ADAP2: variants seen among roughly 807,000 people sequenced by gnomAD.
The protein encoded by ADAP2 is arf-GAP with dual PH domain-containing protein 2.
A neutral mutation model predicts 54.9 loss-of-function variants in ADAP2; 42 were observed. That is an observed-to-expected ratio of 0.77 (90% CI 0.60 to 0.99). The LOEUF (loss-of-function observed/expected upper bound fraction) is 0.99, where lower values mean the gene tolerates loss of function less well. ADAP2 is among the 50% of genes least tolerant of loss of function. The probability of loss-of-function intolerance (pLI) is 0.00; values close to 1 mark genes in which losing one functional copy is unlikely to be tolerated. For synonymous variants in ADAP2, 177 were observed against 180.1 expected, an observed-to-expected ratio of 0.98 and a Z score of 0.14; for missense variants, 429 against 480.4, an observed-to-expected ratio of 0.89 and a Z score of 1.00.
At chr17:30,941,221 G>T (rs1310416107) in intron 5 of ADAP2, among the ~76,000 whole-genome samples, 1 of 152,216 alleles carries the variant, frequency 6.6e-6, no homozygotes, top group Non-Finnish European at 1.5e-5. Context: ...TGAGGTATCT[G>T]TGGTGTTAGC....
intron 5 of ADAP2, among the ~76,000 whole-genome samples, chr17:30,943,441 G>A (rs191781576): frequency 4.6e-5 from 7 of 152,006 alleles, no homozygotes; most frequent in Non-Finnish European, 8.8e-5. Context: ...TATTTTCATC[G>A]CAGCACTATT....
chr17:30,956,583 C>T lies in ADAP2; in HGVS notation c.1111+114C>T. On this transcript the variant is annotated intron_variant, in intron 10 of 10. Coordinates refer to ENST00000330889, the MANE Select transcript of ADAP2 (RefSeq NM_018404.3). ...AAAAGATTCCTGATTCCTGACTATG[C>T]TCTTTTCATTGTCTTCTCTTCCTGC... 2.0e-6 allele frequency: 2 copies of T among 976,282 alleles called. 1 individual carries two copies. The highest frequency in any genetic ancestry group is 3.1e-5 in the South Asian group (2 of 63,650). 60.5% of individuals were successfully genotyped at this position (976,282 alleles called of 1,614,324 possible).
intron 3 of ADAP2, 67 bp downstream of exon 3, chr17:30,926,985 A>C (rs1162200204): frequency 1.3e-5 from 16 of 1,249,746 alleles, no homozygotes; most frequent in Non-Finnish European, 1.7e-5. Context: ...CCCCCTCTCC[A>C]TCTTTGGTGT....
At position 30,953,275 on chromosome 17, in the gene ADAP2, C is replaced by T. The variant is rs991050613; in HGVS notation, c.742-13C>T. The T allele has an allele frequency of 6.2e-7, 1 of 1,614,000 alleles. No individual in the cohort carries two copies. The highest frequency in any genetic ancestry group is 8.5e-7 in the Non-Finnish European group (1 of 1,179,964). Reference sequence around the variant, plus strand: ...GTGTGAGTTGGGGGTCAGTGTCTGTCTCTCTTCCCCAGCTCGTGCCATTCC... The same window carrying T: ...GTGTGAGTTGGGGGTCAGTGTCTGTTTCTCTTCCCCAGCTCGTGCCATTCC... On this transcript the variant is annotated splice_polypyrimidine_tract_variant and intron_variant, in intron 7 of 10. Coordinates refer to ENST00000330889, the MANE Select transcript of ADAP2 (RefSeq NM_018404.3).
chr17:30,951,846 G>A (rs1033706802), intron 7 of ADAP2, among the ~76,000 whole-genome samples: 1 of 151,288 alleles, frequency 6.6e-6, no homozygotes, highest in Non-Finnish European at 1.5e-5. Flanking sequence ...TAGTGGAGAC[G>A]GGGTTTCACC....
chr17:30,922,188 G>A, intron 1 of ADAP2, 80 bp downstream of exon 1: 2 of 989,260 alleles, frequency 2.0e-6, no homozygotes, highest in Non-Finnish European at 2.5e-6. Context: ...CGGCCCCACC[G>A]GGTCCCGCCC....
chr17:30,929,453 C>T (rs540992496), intron 3 of ADAP2, among the ~76,000 whole-genome samples: 1 of 152,320 alleles, frequency 6.6e-6, no homozygotes, highest in South Asian at 2.1e-4. Flanking sequence ...CTGTGCTAGG[C>T]TTCCTGCCGG....
chr17:30,952,503 G>A (rs926601294), intron 7 of ADAP2, among the ~76,000 whole-genome samples: 5 of 152,176 alleles, frequency 3.3e-5, no homozygotes, highest in Admixed American at 3.3e-4. Flanking sequence ...AGCCTCCTGA[G>A]TAGCTGGGAT....
intron 6 of ADAP2, among the ~76,000 whole-genome samples, chr17:30,946,597 G>C (rs1912698897): frequency 6.6e-6 from 1 of 152,130 alleles, no homozygotes; most frequent in African/African-American, 2.4e-5. Flanking sequence ...AGCTGGGTCA[G>C]GTCCTGAGCA....
At chr17:30,952,401 A>C (rs956598736) in intron 7 of ADAP2, among the ~76,000 whole-genome samples, 3 of 151,992 alleles carry the variant, frequency 2.0e-5, no homozygotes, top group Non-Finnish European at 4.4e-5. Context: ...TTTGAGATGG[A>C]GTCTCCCTCT....
At chr17:30,929,332 G>A (rs1598027884) in intron 3 of ADAP2, among the ~76,000 whole-genome samples, 1 of 152,326 alleles carries the variant, frequency 6.6e-6, no homozygotes, top group Middle Eastern at 3.4e-3. Context: ...GCTTCAGAAT[G>A]CTACCTGTCC....
chr17:30,931,337 G>T lies in ADAP2; in HGVS notation c.318-552G>T, dbSNP rs192840061. Among the ~76,000 whole-genome samples, 146 of 152,308 alleles carry T rather than the reference G, an allele frequency of 9.6e-4. 1 individual carries two copies. Among genetic ancestry groups the T allele is most frequent in the Non-Finnish European group, 1.5e-3 (101 of 68,032 alleles). ...TTTGGGTGCCACAACTGGGGAGGGGGTGCTACTGGCATCTAATGGGTAGAG... is the reference window on the plus strand; with the variant it reads ...TTTGGGTGCCACAACTGGGGAGGGGTTGCTACTGGCATCTAATGGGTAGAG... On this transcript the variant is annotated intron_variant, in intron 3 of 10. Transcript: ENST00000330889.
chr17:30,926,021 T>C (rs796496329), intron 2 of ADAP2, among the ~76,000 whole-genome samples: 9 of 152,276 alleles, frequency 5.9e-5, no homozygotes, highest in African/African-American at 1.9e-4. Context: ...TGTGAGCCAC[T>C]GTGCCTGGCC....
chr17:30,957,825 T>G lies in ADAP2; in HGVS notation c.1112-10T>G. The G allele has an allele frequency of 1.9e-6, 3 of 1,613,816 alleles. No homozygotes were observed. The highest frequency in any genetic ancestry group is 2.5e-6 in the Non-Finnish European group (3 of 1,179,872). On this transcript the variant is annotated splice_polypyrimidine_tract_variant and intron_variant, in intron 10 of 10. Transcript: ENST00000330889. ...GCCACCTCCCTCAGCCCTCTTCATT[T>G]CCCTTGCAGCTGCATCAACAGAGAG...
At chr17:30,946,383 A>AT (rs1006855075) in intron 6 of ADAP2, among the ~76,000 whole-genome samples, 4 of 151,550 alleles carry the variant, frequency 2.6e-5, no homozygotes, top group African/African-American at 9.7e-5. Context: ...CACCCAGCTA[A>AT]TTTTTTTGTA....
chr17:30,929,964 G>C (rs1911349499), intron 3 of ADAP2, among the ~76,000 whole-genome samples: 2 of 152,136 alleles, frequency 1.3e-5, no homozygotes, highest in Admixed American at 6.5e-5. Context: ...CCATCTGCCT[G>C]TGTTGGCCTC....
chr17:30,951,405 T>A (rs1904617597), intron 7 of ADAP2, among the ~76,000 whole-genome samples: 1 of 152,100 alleles, frequency 6.6e-6, no homozygotes, highest in South Asian at 2.1e-4. Flanking sequence ...CGGGACTCCA[T>A]CTGTTTTCTC....
At chr17:30,946,478 CAAAG>C (rs1470218500) in intron 6 of ADAP2, among the ~76,000 whole-genome samples, 1 of 152,106 alleles carries the variant, frequency 6.6e-6, no homozygotes, top group Non-Finnish European at 1.5e-5. Context: ...CTTGGCCTCC[CAAAG>C]TGCTGGGATT....
At chr17:30,924,132 G>A (rs187072676) in intron 2 of ADAP2, among the ~76,000 whole-genome samples, 1 of 152,140 alleles carries the variant, frequency 6.6e-6, no homozygotes, top group Non-Finnish European at 1.5e-5. Flanking sequence ...CAGCACTTTG[G>A]GGGGCTGAGG....
Sources: gnomAD v4.1 joint callset for allele counts (sites outside exome capture counted in the v4.1 genomes callset) on GRCh38, gnomAD v4.1.1 for gene constraint, MANE v1.5 for transcripts, NCBI Gene and HGNC (gene_info 2026-07-23, HGNC 2026-07-21) for gene names.